The following PPP1R13B variants were observed in gnomAD, a reference collection of about 807,000 sequenced individuals.
The protein encoded by PPP1R13B is apoptosis-stimulating of p53 protein 1.
In PPP1R13B, 44 loss-of-function variants were observed where a neutral mutation model predicts 119.8. The observed-to-expected ratio is 0.37, with a 90% CI of 0.29 to 0.47. The LOEUF (loss-of-function observed/expected upper bound fraction) is 0.47, where lower values mean the gene tolerates loss of function less well. PPP1R13B is among the 20% of genes least tolerant of loss of function. The probability of loss-of-function intolerance (pLI) is 0.99; values close to 1 mark genes in which losing one functional copy is unlikely to be tolerated. For synonymous variants in PPP1R13B, 542 were observed against 561.5 expected (o/e 0.97, Z 0.49); for missense variants, 1,227 against 1,413.5 (o/e 0.87, Z 2.12).
intron 1 of PPP1R13B, among the ~76,000 whole-genome samples, chr14:103,825,846 C>CTT (rs67751577): frequency 2.1e-5 from 3 of 143,664 alleles, no homozygotes; most frequent in East Asian, 2.0e-4. Flanking sequence ...TTTTTCTTTT[C>CTT]TTTTTTTTTT....
At chr14:103,811,724 C>A (rs188630641) in intron 1 of PPP1R13B, among the ~76,000 whole-genome samples, 2 of 152,094 alleles carry the variant, frequency 1.3e-5, no homozygotes, top group African/African-American at 4.8e-5. Context: ...ATCCTAAATA[C>A]ACAAATAACT....
At chr14:103,746,624 A>G (rs1231730948) in intron 8 of PPP1R13B, 71 bp from the exon 9 acceptor site, 2 of 1,311,152 alleles carry the variant, frequency 1.5e-6, no homozygotes, top group South Asian at 3.4e-5. Flanking sequence ...AGTGCAAGAG[A>G]CTGCCAGCTC....
intron 1 of PPP1R13B, among the ~76,000 whole-genome samples, chr14:103,834,606 T>C (rs1300099063): frequency 1.4e-5 from 2 of 147,340 alleles, no homozygotes; most frequent in African/African-American, 5.1e-5. Context: ...TTTTTTTTTT[T>C]TGAGACCGAG....
rs1383399211 is a variant in PPP1R13B at position 103,742,577 on chromosome 14, C to A, written c.1320+77G>T. On this transcript the variant is annotated intron_variant, in intron 10 of 16. Coordinates refer to ENST00000202556, the MANE Select transcript of PPP1R13B (RefSeq NM_015316.3). The surrounding 1 kb of genome is among the most constrained non-coding windows in gnomAD (Gnocchi z 4.9). ...AACTTGCCTCCTGACAAGTCATACC[C>A]TTTAGCTTAGTACTAAGGCAGAAGA... is the stretch of plus-strand genomic sequence containing the variant. 1 of 1,529,982 alleles carries A rather than the reference C, an allele frequency of 6.5e-7. No homozygotes were observed. The highest frequency in any genetic ancestry group is 8.8e-7 in the Non-Finnish European group (1 of 1,135,212). 94.8% of individuals were successfully genotyped at this position (1,529,982 alleles called of 1,614,324 possible).
At chr14:103,813,485 C>T (rs897260714) in intron 1 of PPP1R13B, among the ~76,000 whole-genome samples, 3 of 152,076 alleles carry the variant, frequency 2.0e-5, no homozygotes, top group Admixed American at 1.3e-4. Flanking sequence ...ATTTTGTTCT[C>T]GTGATAATGC....
At position 103,740,092 on chromosome 14, in the gene PPP1R13B, G is replaced by A. The variant is rs756792032; in HGVS notation, c.2324C>T (p.Ala775Val). ...AGCGGGGAGTGGGGCTGTGGGCTGG[G>A]CAGGGGGGAGCTCTTCCAGGTTTCC... ...ANGNLEELPPAQPTAPLPAEP... is the reference protein window; with the variant it reads ...ANGNLEELPPVQPTAPLPAEP... Residue 775 changes from alanine (A) to valine (V), a missense_variant, in exon 12 of 17, where the codon GCC becomes GTC. By Grantham distance (64) the Ala-to-Val change is moderately conservative (BLOSUM62 0). Coordinates refer to ENST00000202556, the MANE Select transcript of PPP1R13B (RefSeq NM_015316.3). The surrounding 1 kb of genome is among the most constrained non-coding windows in gnomAD (Gnocchi z 4.6). 1 of 1,613,850 alleles carries A rather than the reference G, an allele frequency of 6.2e-7. No individual in the cohort carries two copies. Among genetic ancestry groups the A allele is most frequent in the Non-Finnish European group, 8.5e-7 (1 of 1,180,022 alleles).
chr14:103,800,778 A>G (rs536634727), intron 1 of PPP1R13B, among the ~76,000 whole-genome samples: 28 of 152,330 alleles, frequency 1.8e-4, no homozygotes, highest in African/African-American at 6.0e-4. Context: ...CAAAATTGAT[A>G]ACAGCTTTGA....
chr14:103,822,897 G>A (rs1339933973), intron 1 of PPP1R13B, among the ~76,000 whole-genome samples: 1 of 152,162 alleles, frequency 6.6e-6, no homozygotes, highest in Non-Finnish European at 1.5e-5. Context: ...AAATGAATGA[G>A]GTAGGTCATA....
chr14:103,774,006 T>C (rs2085126117), intron 4 of PPP1R13B, among the ~76,000 whole-genome samples: 2 of 152,204 alleles, frequency 1.3e-5, no homozygotes, highest in Admixed American at 6.6e-5. Context: ...TTATGGTCAA[T>C]TGATCTGACA....
Position 103,742,181 on chromosome 14 carries a change from G to A in PPP1R13B, c.1431C>T (p.Ser477=), listed in dbSNP as rs755837581. The A allele has an allele frequency of 1.2e-6, 2 of 1,606,978 alleles. No individual in the cohort carries two copies. Among genetic ancestry groups the A allele is most frequent in the South Asian group, 2.2e-5 (2 of 91,068 alleles). The change falls in exon 11 of 17, where the codon AGC becomes AGT. Residue 477 remains serine, a synonymous_variant. Transcript: ENST00000202556. The surrounding 1 kb of genome is among the most constrained non-coding windows in gnomAD (Gnocchi z 4.9). ...TGCCTTCCTTCCTCCTTTCCAGGGA[G>A]CTTGTCGACCCAGGACCCAGAGGTG... ...SPTPLGPGST[S]SLERRKEGSL...
rs2085721069 is a variant in PPP1R13B at position 103,794,910 on chromosome 14, C to T, written c.157+2461G>A. ...AGTTCCCGCCTTCAGGAATTTTAGT[C>T]CAACAAGATAGAGATAAAAACTACT... On this transcript the variant is annotated intron_variant, in intron 2 of 16. Coordinates refer to ENST00000202556, the MANE Select transcript of PPP1R13B (RefSeq NM_015316.3). 2.0e-5 allele frequency among the ~76,000 whole-genome samples: 3 copies of T among 152,136 alleles called. No individual in the cohort carries two copies. In the South Asian group the frequency reaches 6.2e-4, roughly 32 times the overall value.
chr14:103,782,684 C>G (rs1289531214), intron 3 of PPP1R13B, among the ~76,000 whole-genome samples: 1 of 152,112 alleles, frequency 6.6e-6, no homozygotes, highest in African/African-American at 2.4e-5. Context: ...TATAGTATTT[C>G]AAGATAGTTT....
intron 1 of PPP1R13B, among the ~76,000 whole-genome samples, chr14:103,838,913 C>T (rs2086838486): frequency 6.6e-6 from 1 of 152,202 alleles, no homozygotes; most frequent in African/African-American, 2.4e-5. Flanking sequence ...TGCACTCTTA[C>T]CTGCTACAGT....
intron 1 of PPP1R13B, among the ~76,000 whole-genome samples, chr14:103,819,272 C>T (rs2086349139): frequency 6.6e-6 from 1 of 152,012 alleles, no homozygotes; most frequent in Non-Finnish European, 1.5e-5. Flanking sequence ...GCATATTTTG[C>T]CATAAAGGTT....
At chr14:103,822,849 T>C (rs2086443748) in intron 1 of PPP1R13B, among the ~76,000 whole-genome samples, 1 of 152,048 alleles carries the variant, frequency 6.6e-6, no homozygotes, top group Non-Finnish European at 1.5e-5. Context: ...CCTTCCTGCA[T>C]TGAACAGGAA....
intron 3 of PPP1R13B, among the ~76,000 whole-genome samples, chr14:103,783,487 A>G (rs2085383192): frequency 6.6e-6 from 1 of 151,520 alleles, no homozygotes; most frequent in East Asian, 2.0e-4. Context: ...CCTGACCTCA[A>G]GTGATCTGCC....
chr14:103,737,469 G>C, intron 15 of PPP1R13B: 1 of 458,392 alleles, frequency 2.2e-6, no homozygotes, highest in Non-Finnish European at 3.8e-6. Context: ...CCAGCTACTT[G>C]GGAGGCTGAA....
At chr14:103,775,525 T>C (rs2085167594) in intron 4 of PPP1R13B, among the ~76,000 whole-genome samples, 1 of 152,226 alleles carries the variant, frequency 6.6e-6, no homozygotes, top group African/African-American at 2.4e-5. Flanking sequence ...TCCGCCTACC[T>C]TGGCCTCCCA....
At chr14:103,816,701 T>A (rs2152065004) in intron 1 of PPP1R13B, among the ~76,000 whole-genome samples, 1 of 151,698 alleles carries the variant, frequency 6.6e-6, no homozygotes, top group Middle Eastern at 3.4e-3. Flanking sequence ...TTTCCTTTCA[T>A]ATATTTTTCC....
Sources: gnomAD v4.1 joint callset for allele counts (sites outside exome capture counted in the v4.1 genomes callset) on GRCh38, gnomAD v4.1.1 for gene constraint, Gnocchi (gnomAD v3.1) non-coding constraint, MANE v1.5 for transcripts, NCBI Gene and HGNC (gene_info 2026-07-23, HGNC 2026-07-21) for gene names.